VWA8: variants seen among roughly 807,000 people sequenced by gnomAD.
VWA8 encodes the protein von Willebrand factor A domain containing 8.
VWA8 carries 221 observed loss-of-function variants against 241.5 expected under a neutral mutation model. The observed-to-expected ratio is 0.91, with a 90% CI of 0.82 to 1.02. The LOEUF (loss-of-function observed/expected upper bound fraction) is 1.02. Ranked by LOEUF, VWA8 falls within the 50% of genes least tolerant of loss-of-function variation. The pLI, the probability that VWA8 is intolerant of heterozygous loss-of-function variation, is 0.00. For missense variants in VWA8, 2,322 were observed against 2,328.7 expected (o/e 1.00, Z 0.06); for synonymous variants, 852 against 827.1 (o/e 1.03, Z -0.52).
At chr13:41,692,599 G>A (rs749947954) in intron 30 of VWA8, among the ~76,000 whole-genome samples, 1 of 151,986 alleles carries the variant, frequency 6.6e-6, no homozygotes, top group Non-Finnish European at 1.5e-5. Context: ...TATTCAAATA[G>A]TTTTTAATTT....
intron 42 of VWA8, among the ~76,000 whole-genome samples, chr13:41,577,069 C>A (rs566152670): frequency 5.3e-5 from 8 of 152,326 alleles, no homozygotes; most frequent in African/African-American, 1.9e-4. Flanking sequence ...AAGAGGCCCA[C>A]GCAGGATTTG....
chr13:41,738,138 G>T (rs1387787116), intron 21 of VWA8, among the ~76,000 whole-genome samples: 1 of 152,106 alleles, frequency 6.6e-6, no homozygotes, highest in Non-Finnish European at 1.5e-5. Context: ...TATTTTGAAC[G>T]CTTTGAGGGA....
At chr13:41,868,291 T>A in intron 10 of VWA8, 55 bp downstream of exon 10, 1 of 1,603,612 alleles carries the variant, frequency 6.2e-7, no homozygotes, top group Non-Finnish European at 8.5e-7. Context: ...ATTTAGGTCA[T>A]AAAAACAGGC....
At chr13:41,835,548 G>A (rs1317210558) in intron 12 of VWA8, among the ~76,000 whole-genome samples, 2 of 152,016 alleles carry the variant, frequency 1.3e-5, no homozygotes, top group Non-Finnish European at 2.9e-5. Flanking sequence ...AGACAGTCAC[G>A]ACATTCCTCA....
At chr13:41,572,739 C>T (rs2044316185) in intron 43 of VWA8, among the ~76,000 whole-genome samples, 1 of 149,168 alleles carries the variant, frequency 6.7e-6, no homozygotes, top group Non-Finnish European at 1.5e-5. Flanking sequence ...CCACTATTGT[C>T]CTATGACCCT....
At chr13:41,866,328 AAC>A (rs1873302838) in intron 10 of VWA8, among the ~76,000 whole-genome samples, 1 of 151,432 alleles carries the variant, frequency 6.6e-6, no homozygotes, top group African/African-American at 2.4e-5. Context: ...CAGCCTGGGC[AAC>A]AGAGCGAGAC....
In VWA8 at chr13:41,607,407, T is replaced by C. The variant is rs190203708; in HGVS notation, c.4878-2131A>G. 1.2e-4 allele frequency among the ~76,000 whole-genome samples: 18 copies of C among 152,328 alleles called. No individual in the cohort carries two copies. In the East Asian group the frequency reaches 3.3e-3, roughly 28 times the overall value. ...TGTATAGAACTTGACCTCCTGACAA[T>C]ACCTCTTGTATTTAGTTTCTGGCAG... On this transcript the variant is annotated intron_variant, in intron 39 of 44. Transcript: ENST00000379310.
intron 35 of VWA8, among the ~76,000 whole-genome samples, chr13:41,680,486 T>C (rs1376853967): frequency 2.0e-5 from 3 of 152,142 alleles, no homozygotes; most frequent in Non-Finnish European, 4.4e-5. Flanking sequence ...TTTATATATG[T>C]TTGGAATATT....
At chr13:41,623,194 C>T (rs1162852094) in intron 37 of VWA8, among the ~76,000 whole-genome samples, 1 of 152,124 alleles carries the variant, frequency 6.6e-6, no homozygotes, top group African/African-American at 2.4e-5. Flanking sequence ...CATACACATA[C>T]ACCCACTTCC....
intron 1 of VWA8, among the ~76,000 whole-genome samples, chr13:41,952,118 AACGTC>A (rs1363570450): frequency 2.0e-5 from 3 of 152,168 alleles, no homozygotes; most frequent in South Asian, 2.1e-4. Flanking sequence ...TCAAAGCATC[AACGTC>A]ACCTGGGAAC....
At chr13:41,744,202 C>A (rs2045587825) in intron 21 of VWA8, among the ~76,000 whole-genome samples, 1 of 152,210 alleles carries the variant, frequency 6.6e-6, no homozygotes, top group South Asian at 2.1e-4. Flanking sequence ...TTTCACTGGC[C>A]TTATCCTGAG....
chr13:41,920,385 G>T (rs989380243), intron 2 of VWA8, among the ~76,000 whole-genome samples: 5 of 152,080 alleles, frequency 3.3e-5, no homozygotes, highest in Non-Finnish European at 7.4e-5. Flanking sequence ...TGCTTCAGAG[G>T]CAAGAGCAAA....
In VWA8 at chr13:41,575,831, A is replaced by C; in HGVS notation, c.5279T>G (p.Ile1760Ser). The part of the protein sequence containing the change: ...ENYEEKFQYD[I>S]VGHSGDGYNI... ...GTAGCCATCTCCAGAGTGTCCAACG[A>C]TGTCATACTACATGCAAGAGAACCA... Residue 1760 changes from isoleucine (I) to serine (S), a missense_variant, in exon 43 of 45, where the codon ATC (isoleucine) becomes AGC (serine). Transcript: ENST00000379310. The C allele has an allele frequency of 6.2e-7, 1 of 1,610,614 alleles. No homozygotes were observed. Among genetic ancestry groups the C allele is most frequent in the Non-Finnish European group, 8.5e-7 (1 of 1,178,832 alleles).
intron 21 of VWA8, among the ~76,000 whole-genome samples, chr13:41,749,809 G>A (rs977141546): frequency 6.7e-6 from 1 of 148,638 alleles, no homozygotes; most frequent in Admixed American, 6.7e-5. Context: ...GAACAATGTG[G>A]TGGGAATTGA....
chr13:41,705,821 C>T, intron 26 of VWA8, among the ~76,000 whole-genome samples: 1 of 152,090 alleles, frequency 6.6e-6, no homozygotes, highest in Middle Eastern at 3.2e-3. Context: ...TATAGTCTTG[C>T]ATTGTCTTGA....
At chr13:41,802,960 A>T (rs1870022604) in intron 17 of VWA8, among the ~76,000 whole-genome samples, 1 of 152,238 alleles carries the variant, frequency 6.6e-6, no homozygotes. Context: ...ACAGCTGAGC[A>T]TGGAGAGAGA....
rs149830567 is a variant in VWA8, at chr13:41,680,369, C to T, written c.4327+4678G>A. ...CTTAGGCCTGTGCATGGCTGTTACC[C>T]TGGGATCTTCCTTCACCATGCTCAT... On this transcript the variant is annotated intron_variant, in intron 35 of 44. Coordinates refer to ENST00000379310, the MANE Select transcript of VWA8 (RefSeq NM_015058.2). Among the ~76,000 whole-genome samples, 253 of 152,232 alleles carry T rather than the reference C, an allele frequency of 1.7e-3. 1 individual carries two copies. Among genetic ancestry groups the T allele is most frequent in the African/African-American group, 5.8e-3 (243 of 41,550 alleles).
chr13:41,756,282 G>A (rs1273568196), intron 21 of VWA8, among the ~76,000 whole-genome samples: 2 of 151,694 alleles, frequency 1.3e-5, no homozygotes, highest in African/African-American at 4.8e-5. Context: ...TAAAGATAAT[G>A]GTGGTAACAT....
chr13:41,630,886 G>T (rs1837414889), intron 37 of VWA8, among the ~76,000 whole-genome samples: 1 of 152,164 alleles, frequency 6.6e-6, no homozygotes, highest in South Asian at 2.1e-4. Context: ...TCAGTAACAG[G>T]AAACTAAGAA....
Sources: gnomAD v4.1 joint callset for allele counts (sites outside exome capture counted in the v4.1 genomes callset) on GRCh38, gnomAD v4.1.1 for gene constraint, MANE v1.5 for transcripts, NCBI Gene and HGNC (gene_info 2026-07-23, HGNC 2026-07-21) for gene names.